The following PHLDB3 variants were observed in gnomAD, a reference collection of about 807,000 sequenced individuals.
The protein encoded by PHLDB3 is pleckstrin homology-like domain family B member 3.
A neutral mutation model predicts 85.7 loss-of-function variants in PHLDB3; 86 were observed. The observed-to-expected ratio is 1.00, with a 90% confidence interval of 0.84 to 1.20. The LOEUF is 1.20. Among genes scored for constraint, PHLDB3 ranks in the 50% most tolerant of loss-of-function variants. PHLDB3 has a pLI of 0.00. For synonymous variants in PHLDB3, 376 were observed against 349.8 expected, an observed-to-expected ratio of 1.07 and a Z score of -0.83; for missense variants, 995 against 873.0, an observed-to-expected ratio of 1.14 and a Z score of -1.76.
At position 43,495,521 on chromosome 19, in the gene PHLDB3, C is replaced by T. The variant is rs748909222; in HGVS notation, c.925G>A (p.Glu309Lys). 5 of 1,606,476 alleles carry T rather than the reference C, an allele frequency of 3.1e-6. No individual in the cohort carries two copies. Among genetic ancestry groups the T allele is most frequent in the Middle Eastern group, 1.6e-4 (1 of 6,072 alleles). Residue 309 changes from glutamate to lysine, a missense_variant, in exon 7 of 16, where the codon GAG becomes AAG. Coordinates refer to ENST00000292140, the MANE Select transcript of PHLDB3 (RefSeq NM_198850.4). ...AESRGLSRKK[E>K]EALQALSQER... ...TGTGACAGGGCCTGAAGGGCCTCCTCCTTCTTCCGGCTCAACCCCCGGCTC... is the reference window on the plus strand; with the variant it reads ...TGTGACAGGGCCTGAAGGGCCTCCTTCTTCTTCCGGCTCAACCCCCGGCTC...
intron 15 of PHLDB3, among the ~76,000 whole-genome samples, chr19:43,476,382 C>G (rs143154067): frequency 6.6e-6 from 1 of 152,110 alleles, no homozygotes; most frequent in Non-Finnish European, 1.5e-5. Flanking sequence ...GGGTGGCTCA[C>G]GCCTGCAATC....
chr19:43,477,764 C>T (rs1239351232), intron 15 of PHLDB3, among the ~76,000 whole-genome samples: 14 of 147,430 alleles, frequency 9.5e-5, no homozygotes, highest in Non-Finnish European at 1.8e-4. Flanking sequence ...GCCGAGATGG[C>T]GCCACTGTAC....
intron 4 of PHLDB3, among the ~76,000 whole-genome samples, chr19:43,500,917 C>A (rs1231962567): frequency 1.8e-5 from 2 of 113,336 alleles, no homozygotes; most frequent in African/African-American, 3.3e-5. Flanking sequence ...GTACCCCCCC[C>A]CCACCCCGCA....
chr19:43,489,019 C>T (rs1012778249), intron 9 of PHLDB3, among the ~76,000 whole-genome samples: 4 of 152,048 alleles, frequency 2.6e-5, no homozygotes, highest in Admixed American at 6.6e-5. Flanking sequence ...AGGCTGGTCT[C>T]GAACTCCTGA....
At chr19:43,502,521 T>C (rs1344569908) in intron 2 of PHLDB3, among the ~76,000 whole-genome samples, 1 of 146,722 alleles carries the variant, frequency 6.8e-6, no homozygotes, top group East Asian at 2.0e-4. Flanking sequence ...CGATTACGGC[T>C]CACTGCAGCA....
In PHLDB3 at chr19:43,494,891, C is replaced by T; in HGVS notation, c.1036-76G>A. 3 of 1,087,118 alleles carry T rather than the reference C, an allele frequency of 2.8e-6. No individual in the cohort carries two copies. In the South Asian group the frequency reaches 4.3e-5, roughly 16 times the overall value. 67.3% of individuals were successfully genotyped at this position (1,087,118 alleles called of 1,614,324 possible). A position where few individuals can be genotyped will look rare whatever the true frequency, so the allele number is the denominator to read the frequency against. Reference sequence around the variant, plus strand: ...ACTGCCAGTTTCCACGTGCTCTGGCCCATGCCTCTAGTGCCACCCATTTCT... The same window carrying T: ...ACTGCCAGTTTCCACGTGCTCTGGCTCATGCCTCTAGTGCCACCCATTTCT... On this transcript the variant is annotated intron_variant, in intron 8 of 15. Coordinates refer to ENST00000292140, the MANE Select transcript of PHLDB3 (RefSeq NM_198850.4).
rs546192055 is a variant in PHLDB3 at position 43,487,550 on chromosome 19, G to A, written c.1150-427C>T. 1.9e-4 allele frequency among the ~76,000 whole-genome samples: 19 copies of A among 98,328 alleles called. No individual in the cohort carries two copies. The East Asian group carries it at 3.6e-3, about 18-fold the overall frequency. 64.5% of individuals were successfully genotyped at this position (98,328 alleles called of 152,430 possible). On this transcript the variant is annotated intron_variant, in intron 9 of 15. Transcript: ENST00000292140. ...AGATCGCGCCACTGTACTCCAGCCT[G>A]GGCGACAGAGCAAGACTCTGTCTCA...
intron 9 of PHLDB3, 135 bp downstream of exon 9, chr19:43,494,567 C>G (rs764338086): frequency 1.7e-4 from 116 of 679,240 alleles, no homozygotes; most frequent in Non-Finnish European, 2.7e-5. Context: ...CCAACCTTCC[C>G]TATCCCCCAC....
chr19:43,497,854 TC>T lies in PHLDB3; in HGVS notation c.556del (p.Glu186AsnfsTer5). 6.3e-7 allele frequency: 1 copy of T among 1,585,332 alleles called. No homozygotes were observed. Among genetic ancestry groups the T allele is most frequent in the Non-Finnish European group, 8.6e-7 (1 of 1,166,356 alleles). The part of the protein sequence containing the change: ...REQEQRRLSQ[E>X]RDRLEGLRQR... ...GCGAAGACCCTCTAGGCGATCCCGT[TC>T]CTGGCTCAGCCGCCTCTGTTCCTGA... On this transcript the variant is annotated frameshift_variant, in exon 5 of 16. Coordinates refer to ENST00000292140, the MANE Select transcript of PHLDB3 (RefSeq NM_198850.4). LOFTEE classifies it high-confidence loss of function.
intron 12 of PHLDB3, 90 bp from the exon 13 acceptor site, chr19:43,486,412 G>A: frequency 2.2e-6 from 3 of 1,372,676 alleles, no homozygotes; most frequent in Non-Finnish European, 3.0e-6. Context: ...CTGTTCTGAG[G>A]GTACAGGGAC....
Position 43,497,832 on chromosome 19 carries a change from AAG to A in PHLDB3, c.577_578del (p.Leu193SerfsTer41). The part of the protein sequence containing the change: ...LSQERDRLEG[L>X]RQRLRKAQGQ... ...CCTGGGCCTTGCGGAGTCTCTGGCG[AAG>A]ACCCTCTAGGCGATCCCGTTCCTGG... On this transcript the variant is annotated frameshift_variant, in exon 5 of 16. Transcript: ENST00000292140. LOFTEE classifies it high-confidence loss of function. 6.4e-7 allele frequency: 1 copy of A among 1,573,510 alleles called. No homozygotes were observed. The highest frequency in any genetic ancestry group is 8.6e-7 in the Non-Finnish European group (1 of 1,159,962).
chr19:43,493,553 G>A (rs746055020), intron 9 of PHLDB3, among the ~76,000 whole-genome samples: 1 of 151,360 alleles, frequency 6.6e-6, no homozygotes, highest in Non-Finnish European at 1.5e-5. Flanking sequence ...GATCACCTGA[G>A]CCTGGGAGGT....
intron 9 of PHLDB3, among the ~76,000 whole-genome samples, chr19:43,489,116 C>G (rs1208288072): frequency 6.6e-6 from 1 of 152,038 alleles, no homozygotes; most frequent in East Asian, 1.9e-4. Context: ...AAGGACAATT[C>G]TGCAGTGTAG....
At chr19:43,494,917 C>T in intron 8 of PHLDB3, 102 bp from the exon 9 acceptor site, 1 of 818,538 alleles carries the variant, frequency 1.2e-6, no homozygotes, top group Non-Finnish European at 1.9e-6. Flanking sequence ...ACCCATTTCT[C>T]AGAAAGAAAA....
chr19:43,493,629 CA>C (rs964629803), intron 9 of PHLDB3, among the ~76,000 whole-genome samples: 102 of 136,302 alleles, frequency 7.5e-4, no homozygotes, highest in Middle Eastern at 3.8e-3. Flanking sequence ...GAGACTCTGT[CA>C]AAAAAAAAAA....
At chr19:43,491,578 C>G (rs1971312955) in intron 9 of PHLDB3, among the ~76,000 whole-genome samples, 1 of 150,330 alleles carries the variant, frequency 6.7e-6, no homozygotes, top group Admixed American at 6.7e-5. Flanking sequence ...CTTAGCTCAC[C>G]GAAACCTCCA....
rs1971154288 is a variant in PHLDB3 at position 43,486,293 on chromosome 19, G to A, written c.1458C>T (p.Ser486=). Residue 486 remains serine (S), a synonymous_variant, in exon 13 of 16, where the codon TCC becomes TCT. Coordinates refer to ENST00000292140, the MANE Select transcript of PHLDB3 (RefSeq NM_198850.4). ...REGTRRGTEG[S]SGPAVPAITA... The stretch of plus-strand genomic sequence containing the variant: ...TGATGGCAGGAACAGCAGGGCCTGA[G>A]GAACCTTCCGTGCCCCTTCTTGTTC... 1.2e-6 allele frequency: 2 copies of A among 1,610,168 alleles called. No individual in the cohort carries two copies. Among genetic ancestry groups the A allele is most frequent in the African/African-American group, 1.3e-5 (1 of 74,920 alleles).
Position 43,502,209 on chromosome 19 carries a change from C to G in PHLDB3, c.288G>C (p.Gly96=), listed in dbSNP as rs1416404787. ...GCTGTCCTTGCAGGCGCCGCGCCGCCCCTCGCACCCCTTCCCGCGAAGAGG... is the reference window on the plus strand; with the variant it reads ...GCTGTCCTTGCAGGCGCCGCGCCGCGCCTCGCACCCCTTCCCGCGAAGAGG... ...ASTSSREGVR[G]AARRLQGQQL... is the part of the protein sequence containing the mutation. Residue 96 remains glycine, a synonymous_variant, in exon 3 of 16, where the codon GGG becomes GGC. Coordinates refer to ENST00000292140, the MANE Select transcript of PHLDB3 (RefSeq NM_198850.4). The G allele has an allele frequency of 6.4e-7, 1 of 1,566,412 alleles. No individual in the cohort carries two copies.
chr19:43,486,946 A>G, intron 10 of PHLDB3, 76 bp from the exon 11 acceptor site: 2 of 1,477,144 alleles, frequency 1.4e-6, no homozygotes, highest in South Asian at 1.4e-5. Flanking sequence ...CTGCAGGCAT[A>G]GGTGCGGGTT....
Sources: gnomAD v4.1 joint callset for allele counts (sites outside exome capture counted in the v4.1 genomes callset) on GRCh38, gnomAD v4.1.1 for gene constraint, MANE v1.5 for transcripts, NCBI Gene and HGNC (gene_info 2026-07-23, HGNC 2026-07-21) for gene names.